Variants in CYRIB observed in about 807,000 individuals in gnomAD.
The protein encoded by CYRIB is CYFIP-related Rac1 interactor B.
In CYRIB, 8 loss-of-function variants were observed where a neutral mutation model predicts 44.2. The observed-to-expected ratio is 0.18, with a 90% CI of 0.11 to 0.33. The LOEUF (loss-of-function observed/expected upper bound fraction) is 0.33. Among genes scored for constraint, CYRIB ranks in the 10% least tolerant of loss-of-function variants. The pLI, the probability that CYRIB is intolerant of heterozygous loss-of-function variation, is 1.00. For missense variants in CYRIB, 185 were observed against 382.8 expected, an observed-to-expected ratio of 0.48 and a Z score of 4.31; for synonymous variants, 131 against 127.2, an observed-to-expected ratio of 1.03 and a Z score of -0.20.
intron 1 of CYRIB, among the ~76,000 whole-genome samples, chr8:130,007,193 C>G (rs1392896875): frequency 6.6e-6 from 1 of 152,158 alleles, no homozygotes; most frequent in Admixed American, 6.5e-5. Flanking sequence ...TGCTGAGATG[C>G]CCGCCGTTAT....
At chr8:129,868,004 T>C (rs190466163) in intron 4 of CYRIB, among the ~76,000 whole-genome samples, 1 of 152,356 alleles carries the variant, frequency 6.6e-6, no homozygotes, top group Admixed American at 6.5e-5. Flanking sequence ...TGATGTGCAC[T>C]TACTAGCAAA....
intron 2 of CYRIB, among the ~76,000 whole-genome samples, chr8:129,898,085 AG>A (rs2069085927): frequency 1.4e-5 from 1 of 73,774 alleles, no homozygotes; most frequent in Non-Finnish European, 2.6e-5. Flanking sequence ...ATTTTTTTTA[AG>A]TTTTTTTGTT....
intron 2 of CYRIB, among the ~76,000 whole-genome samples, chr8:129,898,046 G>A (rs1689138905): frequency 6.6e-6 from 1 of 151,672 alleles, no homozygotes; most frequent in Admixed American, 6.6e-5. Context: ...TTACAGGCGT[G>A]AGCCACTGTG....
rs1176823467 is a variant in CYRIB, at chr8:129,997,096, GGGAA to G, written c.-296+19270_-296+19273del. ...AGGGAGGGAGGGAGGGAAGGAGGGAGGGAAGGAAGGAAGGAAGGAAGGAAGGAGG... is the reference window on the plus strand; with the variant it reads ...AGGGAGGGAGGGAGGGAAGGAGGGAGGGAAGGAAGGAAGGAAGGAAGGAGG... On this transcript the variant is annotated intron_variant, in intron 1 of 14. Transcript: ENST00000401979. Among the ~76,000 whole-genome samples, 118 of 93,112 alleles carry G rather than the reference GGGAA, an allele frequency of 1.3e-3. 1 individual carries two copies. The highest frequency in any genetic ancestry group is 2.4e-3 in the Admixed American group (22 of 9,022). 61.1% of individuals were successfully genotyped at this position (93,112 alleles called of 152,430 possible).
At chr8:129,873,418 T>C (rs2058054228) in intron 3 of CYRIB, among the ~76,000 whole-genome samples, 1 of 151,986 alleles carries the variant, frequency 6.6e-6, no homozygotes, top group Non-Finnish European at 1.5e-5. Flanking sequence ...TCCAATGTAA[T>C]AGTCAGACAT....
chr8:129,960,441 A>G (rs1458816308), intron 2 of CYRIB, among the ~76,000 whole-genome samples: 1 of 151,900 alleles, frequency 6.6e-6, no homozygotes, highest in Non-Finnish European at 1.5e-5. Context: ...CTAAAAATAC[A>G]AAAATTAGCT....
chr8:129,892,861 A>G (rs1189876698), intron 2 of CYRIB, among the ~76,000 whole-genome samples: 1 of 152,224 alleles, frequency 6.6e-6, no homozygotes, highest in Admixed American at 6.5e-5. Context: ...CATTAAATCA[A>G]ACATCATATT....
At chr8:129,941,273 A>ATTT (rs11418510), upstream of CYRIB, among the ~76,000 whole-genome samples, 898 of 125,852 alleles carry the variant, frequency 7.1e-3, 21 homozygotes, top group African/African-American at 0.021. Context: ...ACTGAAGGAG[A>ATTT]TTTTTTTTTT....
chr8:129,859,562 C>T (rs964952330), intron 5 of CYRIB, among the ~76,000 whole-genome samples: 9 of 152,278 alleles, frequency 5.9e-5, no homozygotes, highest in East Asian at 5.8e-4. Context: ...CGCTTGGCAA[C>T]GGCCATCTTC....
chr8:129,985,549 A>G (rs1024163484), intron 1 of CYRIB, among the ~76,000 whole-genome samples: 1 of 152,124 alleles, frequency 6.6e-6, no homozygotes, highest in African/African-American at 2.4e-5. Context: ...GAAATAGTAA[A>G]TGAGAAGTAA....
intron 3 of CYRIB, among the ~76,000 whole-genome samples, chr8:129,876,479 C>T (rs1452443409): frequency 6.6e-6 from 1 of 152,154 alleles, no homozygotes; most frequent in Non-Finnish European, 1.5e-5. Flanking sequence ...ACCCCAGCAC[C>T]TACTGGCTGG....
chr8:130,001,703 C>T (rs2096912601), intron 1 of CYRIB, among the ~76,000 whole-genome samples: 1 of 151,560 alleles, frequency 6.6e-6, no homozygotes, highest in Non-Finnish European at 1.5e-5. Flanking sequence ...GTTTTTTAAA[C>T]TCCTGACCTC....
intron 2 of CYRIB, among the ~76,000 whole-genome samples, chr8:129,963,747 A>G (rs1372544828): frequency 6.6e-6 from 1 of 152,092 alleles, no homozygotes; most frequent in East Asian, 1.9e-4. Flanking sequence ...AGCCTACAAA[A>G]TACTGTCTCA....
intron 1 of CYRIB, among the ~76,000 whole-genome samples, chr8:129,905,234 T>TTC (rs2074640660): frequency 7.5e-6 from 1 of 133,938 alleles, no homozygotes; most frequent in African/African-American, 2.6e-5. Context: ...TTGATTGATT[T>TTC]TGAGATGGAG....
chr8:129,893,106 AC>A (rs889701469), intron 2 of CYRIB, among the ~76,000 whole-genome samples: 4 of 152,236 alleles, frequency 2.6e-5, no homozygotes, highest in Non-Finnish European at 1.5e-5. Context: ...AAGATGCCCA[AC>A]AAAAAAGCTT....
chr8:129,940,276 C>A (rs961438759), upstream of CYRIB, among the ~76,000 whole-genome samples: 5 of 152,208 alleles, frequency 3.3e-5, no homozygotes, highest in African/African-American at 9.6e-5. Context: ...CGCTAGGCTG[C>A]GGGCGCGCCT....
At chr8:129,941,336 C>T (rs1036204282), upstream of CYRIB, among the ~76,000 whole-genome samples, 7 of 144,940 alleles carry the variant, frequency 4.8e-5, no homozygotes, top group East Asian at 2.0e-4. Flanking sequence ...TACAGTGGCG[C>T]GATATCGGCT....
At chr8:129,930,208 C>A (rs2090412158) in intron 1 of CYRIB, among the ~76,000 whole-genome samples, 1 of 150,520 alleles carries the variant, frequency 6.6e-6, no homozygotes, top group Non-Finnish European at 1.5e-5. Context: ...GAGACTCTGT[C>A]TCAAAAAAAA....
At chr8:129,883,075 C>T (rs1293276283) in intron 2 of CYRIB, among the ~76,000 whole-genome samples, 1 of 129,298 alleles carries the variant, frequency 7.7e-6, no homozygotes, top group Non-Finnish European at 1.6e-5. Flanking sequence ...CACGCCACTG[C>T]ACACTCCAGC....
Sources: gnomAD v4.1 joint callset for allele counts (sites outside exome capture counted in the v4.1 genomes callset) on GRCh38, gnomAD v4.1.1 for gene constraint, MANE v1.5 for transcripts, NCBI Gene and HGNC (gene_info 2026-07-23, HGNC 2026-07-21) for gene names.